MPHOSPH8: variants seen among roughly 807,000 people sequenced by gnomAD.
The protein encoded by MPHOSPH8 is M-phase phosphoprotein, mpp.
MPHOSPH8 carries 45 observed loss-of-function variants against 87.3 expected under a neutral mutation model. That is an observed-to-expected ratio of 0.52 (90% confidence interval 0.41 to 0.66). The LOEUF is 0.66. Ranked by LOEUF, MPHOSPH8 falls within the 30% of genes least tolerant of loss-of-function variation. MPHOSPH8 has a pLI of 0.00. For missense variants in MPHOSPH8, 883 were observed against 1,020.2 expected, an observed-to-expected ratio of 0.87 and a Z score of 1.83; for synonymous variants, 366 against 376.9, an observed-to-expected ratio of 0.97 and a Z score of 0.33.
intron 1 of MPHOSPH8, among the ~76,000 whole-genome samples, chr13:19,635,420 C>T (rs530414913): frequency 6.6e-6 from 1 of 152,214 alleles, no homozygotes; most frequent in South Asian, 2.1e-4. Context: ...CCCAGCTACT[C>T]GGGAGGCTGA....
rs1874325073 is a variant in MPHOSPH8 at position 19,642,098 on chromosome 13, T to G, written c.214-17T>G. On this transcript the variant is annotated splice_polypyrimidine_tract_variant and intron_variant, in intron 1 of 13. Coordinates refer to ENST00000361479, the MANE Select transcript of MPHOSPH8 (RefSeq NM_017520.4). ...TAGCAATCTGCTTTATTTGCCTCCT[T>G]TTATTTTCTATAACAGGGTAAAGTT... is the stretch of plus-strand genomic sequence containing the variant. The G allele has an allele frequency of 6.8e-7, 1 of 1,473,052 alleles. No individual in the cohort carries two copies. 91.2% of individuals were successfully genotyped at this position (1,473,052 alleles called of 1,614,324 possible). A position where few individuals can be genotyped will look rare whatever the true frequency, so the allele number is the denominator to read the frequency against.
chr13:19,666,793 C>T (rs1875841897), intron 10 of MPHOSPH8, among the ~76,000 whole-genome samples: 1 of 152,212 alleles, frequency 6.6e-6, no homozygotes, highest in Admixed American at 6.5e-5. Context: ...TCAAACTTAA[C>T]ACTGGCCTAT....
At chr13:19,655,497 C>CA (rs1565939306) in intron 5 of MPHOSPH8, among the ~76,000 whole-genome samples, 1 of 151,216 alleles carries the variant, frequency 6.6e-6, no homozygotes, top group Non-Finnish European at 1.5e-5. Flanking sequence ...CCACCACCAC[C>CA]AAAAAACCCT....
At chr13:19,668,867 G>GA (rs914796373) in intron 11 of MPHOSPH8, among the ~76,000 whole-genome samples, 12 of 151,908 alleles carry the variant, frequency 7.9e-5, no homozygotes, top group Non-Finnish European at 1.2e-4. Flanking sequence ...CTTTGAAAAA[G>GA]AAAAAAATAG....
chr13:19,667,756 C>A (rs1276428077), intron 10 of MPHOSPH8, among the ~76,000 whole-genome samples: 1 of 152,168 alleles, frequency 6.6e-6, no homozygotes, highest in African/African-American at 2.4e-5. Flanking sequence ...CATTCTTTTT[C>A]AAATAAATTC....
intron 5 of MPHOSPH8, 35 bp downstream of exon 5, chr13:19,650,295 G>T: frequency 6.3e-7 from 1 of 1,594,674 alleles, no homozygotes; most frequent in Non-Finnish European, 8.5e-7. Flanking sequence ...ATTTTTCAAG[G>T]TAGTGCACCA....
chr13:19,671,398 G>A (rs1024615768), intron 13 of MPHOSPH8, 109 bp downstream of exon 13: 1 of 906,754 alleles, frequency 1.1e-6, no homozygotes, highest in African/African-American at 1.7e-5. Context: ...CTGTCCTAGA[G>A]ACAGGCACTC....
At chr13:19,664,066 C>T (rs574741615) in intron 9 of MPHOSPH8, among the ~76,000 whole-genome samples, 3 of 152,160 alleles carry the variant, frequency 2.0e-5, no homozygotes, top group Non-Finnish European at 4.4e-5. Flanking sequence ...TCACTGATGC[C>T]TTGGCTTCCA....
At position 19,633,707 on chromosome 13, in the gene MPHOSPH8, T is replaced by A. The variant is rs1175001048; in HGVS notation, c.-42T>A. The A allele has an allele frequency of 1.3e-6, 2 of 1,552,538 alleles. No individual in the cohort carries two copies. Among genetic ancestry groups the A allele is most frequent in the East Asian group, 2.4e-5 (1 of 41,700 alleles). ...GAACGCGAGGGGCTGCTGGGGTGTT[T>A]GTCGCAGCGGGTTTTCCTCGGCGGT... On this transcript the variant is annotated 5_prime_UTR_variant, in exon 1 of 14. Transcript: ENST00000361479.
At chr13:19,640,932 GTAT>G (rs1456902900) in intron 1 of MPHOSPH8, among the ~76,000 whole-genome samples, 6 of 152,128 alleles carry the variant, frequency 3.9e-5, no homozygotes, top group Non-Finnish European at 5.9e-5. Context: ...AAAAATTATA[GTAT>G]TATCCTAATG....
chr13:19,653,016 A>G (rs1874945018), intron 5 of MPHOSPH8, among the ~76,000 whole-genome samples: 1 of 152,140 alleles, frequency 6.6e-6, no homozygotes, highest in East Asian at 1.9e-4. Flanking sequence ...CAGCAGACTT[A>G]AACGTCCCTG....
intron 5 of MPHOSPH8, among the ~76,000 whole-genome samples, chr13:19,653,579 G>T (rs1388498927): frequency 2.0e-5 from 3 of 152,214 alleles, no homozygotes; most frequent in Non-Finnish European, 4.4e-5. Flanking sequence ...ATTGACAGAA[G>T]TAGGCTTCAG....
intron 5 of MPHOSPH8, among the ~76,000 whole-genome samples, chr13:19,652,127 G>A (rs1291295053): frequency 6.6e-6 from 1 of 152,218 alleles, no homozygotes. Flanking sequence ...CATGAAATAC[G>A]GGATTGCTGG....
chr13:19,654,298 G>GA (rs1217991994), intron 5 of MPHOSPH8, among the ~76,000 whole-genome samples: 1 of 152,132 alleles, frequency 6.6e-6, no homozygotes, highest in African/African-American at 2.4e-5. Context: ...TGGACCCAGG[G>GA]AGGGGAACAT....
chr13:19,644,119 T>C (rs1038926785), intron 2 of MPHOSPH8, among the ~76,000 whole-genome samples: 3 of 152,362 alleles, frequency 2.0e-5, no homozygotes, highest in Admixed American at 6.5e-5. Flanking sequence ...CTTGAATTTT[T>C]TTTTCTGTGT....
At chr13:19,662,888 A>C in intron 8 of MPHOSPH8, 152 bp from the exon 9 acceptor site, 1 of 657,042 alleles carries the variant, frequency 1.5e-6, no homozygotes, top group East Asian at 2.7e-5. Context: ...GGCGGGGTGC[A>C]CCCCCGTGGC....
chr13:19,644,014 A>G (rs1874441578), intron 2 of MPHOSPH8, among the ~76,000 whole-genome samples: 1 of 152,262 alleles, frequency 6.6e-6, no homozygotes, highest in African/African-American at 2.4e-5. Context: ...TGTGAATGAC[A>G]AACAGTATTT....
rs371240406 is a variant in MPHOSPH8 at position 19,641,971 on chromosome 13, G to T, written c.214-144G>T. The T allele has an allele frequency of 3.0e-5, 19 of 638,758 alleles. No individual in the cohort carries two copies. In the African/African-American group the frequency reaches 3.7e-4, roughly 12 times the overall value. The allele number at this position is 638,758 out of a possible 1,614,324, so 39.6% of individuals were successfully genotyped here. On this transcript the variant is annotated intron_variant, in intron 1 of 13. Coordinates refer to ENST00000361479, the MANE Select transcript of MPHOSPH8 (RefSeq NM_017520.4). ...TCTTAAGCCACTTTTCTCAGGAGATGTGTGTACTTTAGAATGTGAAAATTT... is the reference window on the plus strand; with the variant it reads ...TCTTAAGCCACTTTTCTCAGGAGATTTGTGTACTTTAGAATGTGAAAATTT...
intron 10 of MPHOSPH8, 67 bp downstream of exon 10, chr13:19,666,646 T>C: frequency 2.1e-6 from 3 of 1,420,442 alleles, no homozygotes; most frequent in Non-Finnish European, 2.8e-6. Flanking sequence ...AGACATATTA[T>C]AATTGGAGTG....
Sources: allele counts gnomAD v4.1 joint callset (sites outside exome capture counted in the v4.1 genomes callset), GRCh38; gene constraint gnomAD v4.1.1; transcripts MANE v1.5; gene names NCBI Gene and HGNC (gene_info 2026-07-23, HGNC 2026-07-21).